The following PHKB variants were observed in gnomAD, a reference collection of about 807,000 sequenced individuals.
PHKB encodes phosphorylase b kinase regulatory subunit beta.
A neutral mutation model predicts 152.1 loss-of-function variants in PHKB; 122 were observed. That is an observed-to-expected ratio of 0.80 (90% confidence interval 0.69 to 0.93). The LOEUF is 0.93. PHKB is among the 40% of genes least tolerant of loss of function. The pLI, the probability that PHKB is intolerant of heterozygous loss-of-function variation, is 0.00. For missense variants in PHKB, 1,304 were observed against 1,328.4 expected, an observed-to-expected ratio of 0.98 and a Z score of 0.29; for synonymous variants, 436 against 464.9, an observed-to-expected ratio of 0.94 and a Z score of 0.80.
chr16:47,565,200 C>T, intron 7 of PHKB: 2 of 620,314 alleles, frequency 3.2e-6, no homozygotes, highest in Non-Finnish European at 6.2e-6. Context: ...GGCTCAGGTG[C>T]AGATCTGGAC....
chr16:47,656,089 T>C (rs1459761165), intron 20 of PHKB, among the ~76,000 whole-genome samples: 1 of 152,026 alleles, frequency 6.6e-6, no homozygotes, highest in Non-Finnish European at 1.5e-5. Context: ...CGATCTTGGC[T>C]CACTGCAACC....
At chr16:47,611,926 A>T (rs1029375776) in intron 14 of PHKB, among the ~76,000 whole-genome samples, 1 of 152,144 alleles carries the variant, frequency 6.6e-6, no homozygotes, top group African/African-American at 2.4e-5. Flanking sequence ...TTAGCTCTTT[A>T]TGTAAGGGGG....
intron 7 of PHKB, among the ~76,000 whole-genome samples, chr16:47,572,130 A>T (rs1033750355): frequency 6.6e-6 from 1 of 152,210 alleles, no homozygotes; most frequent in Non-Finnish European, 1.5e-5. Flanking sequence ...CTGCTACTAC[A>T]GCTCAGGACC....
At chr16:47,499,993 A>T (rs1970298138) in intron 3 of PHKB, 99 bp downstream of exon 3, 5 of 1,359,962 alleles carry the variant, frequency 3.7e-6, no homozygotes, top group Admixed American at 3.4e-5. Context: ...TCTGCTGCTG[A>T]CTCACTGTGC....
Position 47,693,431 on chromosome 16 carries a change from G to C in PHKB, c.2819G>C (p.Gly940Ala), listed in dbSNP as rs781357865. ...GGGTCTTTGAATAGAACTCCCACCG[G>C]GTTCTATGACCGAGTGTGGCAGATT... ...IDGSLNRTPT[G>A]FYDRVWQILE... Residue 940 changes from glycine (G) to alanine (A), a missense_variant, in exon 28 of 31, where the codon GGG becomes GCG. Physicochemically the swap from Gly to Ala is moderately conservative, Grantham distance 60. Transcript: ENST00000323584. The C allele has an allele frequency of 5.6e-6, 9 of 1,613,378 alleles. No homozygotes were observed. Among genetic ancestry groups the C allele is most frequent in the Non-Finnish European group, 7.6e-6 (9 of 1,179,500 alleles).
At chr16:47,521,443 C>G (rs1356758179) in intron 6 of PHKB, among the ~76,000 whole-genome samples, 1 of 152,100 alleles carries the variant, frequency 6.6e-6, no homozygotes, top group African/African-American at 2.4e-5. Flanking sequence ...CACATGAGGT[C>G]AGGAGTTCAA....
At chr16:47,600,151 C>G (rs1382649572) in intron 13 of PHKB, among the ~76,000 whole-genome samples, 1 of 152,022 alleles carries the variant, frequency 6.6e-6, no homozygotes, top group Non-Finnish European at 1.5e-5. Flanking sequence ...TTTATGTATG[C>G]CTAAGTAAAT....
chr16:47,603,899 A>G (rs1597117977), intron 13 of PHKB, among the ~76,000 whole-genome samples: 1 of 152,178 alleles, frequency 6.6e-6, no homozygotes, highest in South Asian at 2.1e-4. Flanking sequence ...GATGGGTACT[A>G]TGTGGCATAG....
chr16:47,483,916 C>G (rs1970008103), intron 1 of PHKB, among the ~76,000 whole-genome samples: 1 of 152,172 alleles, frequency 6.6e-6, no homozygotes, highest in African/African-American at 2.4e-5. Flanking sequence ...ACTGGGGTTA[C>G]TTTGGTGAAT....
rs146171338 is a variant in PHKB, at chr16:47,533,492, G to A, written c.595-13941G>A. Among the ~76,000 whole-genome samples, 606 of 152,280 alleles carry A rather than the reference G, an allele frequency of 4.0e-3. 5 individuals carry two copies. The highest frequency in any genetic ancestry group is 0.014 in the African/African-American group (572 of 41,574). On this transcript the variant is annotated intron_variant, in intron 6 of 30. Transcript: ENST00000323584. ...AGGGCCTGCAGGCCAGTGCCAGGCC[G>A]CCCTCAACCCTGCCTTGGCTTCCCT...
At chr16:47,485,148 C>CT (rs1324099270) in intron 1 of PHKB, among the ~76,000 whole-genome samples, 2 of 152,184 alleles carry the variant, frequency 1.3e-5, no homozygotes, top group Admixed American at 1.3e-4. Flanking sequence ...ATTCCTTAAA[C>CT]TGTCTTAACA....
chr16:47,602,727 A>AT (rs1348547087), intron 13 of PHKB, among the ~76,000 whole-genome samples: 1 of 152,072 alleles, frequency 6.6e-6, no homozygotes, highest in African/African-American at 2.4e-5. Flanking sequence ...TTTTTATGTT[A>AT]TAAGGATTAG....
chr16:47,519,829 G>T (rs567503367), intron 6 of PHKB, among the ~76,000 whole-genome samples: 118 of 152,248 alleles, frequency 7.8e-4, no homozygotes, highest in African/African-American at 2.7e-3. Flanking sequence ...TCGTTAGAGA[G>T]ATTTTTTAAG....
At position 47,547,907 on chromosome 16, in the gene PHKB, A is replaced by G. The variant is rs9940111; in HGVS notation, c.710+359A>G. ...GTCAAGTACATTAAAATTTTCAAACACCAGTTGTATATGCACTGAATATAA... is the reference window on the plus strand; with the variant it reads ...GTCAAGTACATTAAAATTTTCAAACGCCAGTTGTATATGCACTGAATATAA... On this transcript the variant is annotated intron_variant, in intron 7 of 30. Transcript: ENST00000323584. The G allele has an allele frequency of 2.2e-3, 697 of 310,118 alleles. 7 individuals carry two copies. Among genetic ancestry groups the G allele is most frequent in the African/African-American group, 0.014 (654 of 45,176 alleles). The allele number at this position is 310,118 out of a possible 1,614,324, so 19.2% of individuals were successfully genotyped here. A position where few individuals can be genotyped will look rare whatever the true frequency, so the allele number is the denominator to read the frequency against.
intron 8 of PHKB, among the ~76,000 whole-genome samples, chr16:47,581,787 C>G (rs1452655135): frequency 6.6e-6 from 1 of 152,284 alleles, no homozygotes; most frequent in South Asian, 2.1e-4. Flanking sequence ...TCAAGCAGTT[C>G]TTCTGCCTCG....
At chr16:47,624,682 C>T (rs937796210) in intron 14 of PHKB, among the ~76,000 whole-genome samples, 2 of 152,122 alleles carry the variant, frequency 1.3e-5, no homozygotes, top group Non-Finnish European at 1.5e-5. Flanking sequence ...TACTTCTTTC[C>T]CTGACTGTAT....
intron 26 of PHKB, among the ~76,000 whole-genome samples, chr16:47,685,628 T>C (rs1674725520): frequency 6.6e-6 from 1 of 152,212 alleles, no homozygotes; most frequent in African/African-American, 2.4e-5. Flanking sequence ...CTGCTATTAA[T>C]AGTTTTATAG....
At chr16:47,617,292 C>T (rs931400138) in intron 14 of PHKB, among the ~76,000 whole-genome samples, 8 of 148,290 alleles carry the variant, frequency 5.4e-5, no homozygotes, top group South Asian at 2.1e-4. Flanking sequence ...ACATATAAAA[C>T]GATATATATC....
At chr16:47,512,968 T>C (rs1178602774) in intron 5 of PHKB, among the ~76,000 whole-genome samples, 2 of 152,258 alleles carry the variant, frequency 1.3e-5, no homozygotes, top group East Asian at 3.8e-4. Context: ...TGTACTTATT[T>C]GTAAACAGCT....
Sources: gnomAD v4.1 joint callset for allele counts (sites outside exome capture counted in the v4.1 genomes callset) on GRCh38, gnomAD v4.1.1 for gene constraint, MANE v1.5 for transcripts, NCBI Gene and HGNC (gene_info 2026-07-23, HGNC 2026-07-21) for gene names.